TMEM248: variants seen among roughly 807,000 people sequenced by gnomAD.
TMEM248 encodes the protein transmembrane protein 248.
Under a neutral mutation model 30.3 loss-of-function variants are expected in TMEM248, and 9 were observed. The ratio of observed to expected loss-of-function variants is 0.30; its 90% confidence interval spans 0.18 to 0.52. The LOEUF is 0.52. Among genes scored for constraint, TMEM248 ranks in the 20% least tolerant of loss-of-function variants. The pLI is 0.97. For synonymous variants in TMEM248, 184 were observed against 154.4 expected, an observed-to-expected ratio of 1.19 and a Z score of -1.42; for missense variants, 338 against 403.3, an observed-to-expected ratio of 0.84 and a Z score of 1.39.
chr7:66,937,056 A>G (rs941748594), intron 1 of TMEM248, among the ~76,000 whole-genome samples: 15 of 152,154 alleles, frequency 9.9e-5, no homozygotes, highest in African/African-American at 3.6e-4. Flanking sequence ...GCTTATAGCT[A>G]TAAACTTTCC....
rs1584421869 is a variant in TMEM248 at position 66,957,563 on chromosome 7, A to G, written c.*2041A>G. On this transcript the variant is annotated 3_prime_UTR_variant, in exon 7 of 7. Transcript: ENST00000341567. Reference sequence around the variant, plus strand: ...CATGTGGCTTGGCTCTAGAAACGTCATTATCATTAGGACCATCAGATTTTA... The same window carrying G: ...CATGTGGCTTGGCTCTAGAAACGTCGTTATCATTAGGACCATCAGATTTTA... 1.3e-5 allele frequency: 2 copies of G among 152,342 alleles called. No homozygotes were observed. The highest frequency in any genetic ancestry group is 6.8e-3 in the Middle Eastern group (2 of 294). 9.4% of individuals were successfully genotyped at this position (152,342 alleles called of 1,614,324 possible). A position where few individuals can be genotyped will look rare whatever the true frequency, so the allele number is the denominator to read the frequency against.
intron 2 of TMEM248, among the ~76,000 whole-genome samples, chr7:66,942,300 T>C (rs1791986503): frequency 1.3e-5 from 2 of 152,238 alleles, no homozygotes; most frequent in Non-Finnish European, 2.9e-5. Flanking sequence ...TAAAATGATC[T>C]GTGTCAAAAA....
intron 1 of TMEM248, among the ~76,000 whole-genome samples, chr7:66,922,864 C>T (rs898945967): frequency 6.6e-6 from 1 of 152,032 alleles, no homozygotes; most frequent in Admixed American, 6.6e-5. Context: ...CGCCACCATG[C>T]CCAGCTAATT....
chr7:66,937,654 C>T (rs1371483028), intron 1 of TMEM248, among the ~76,000 whole-genome samples: 1 of 152,166 alleles, frequency 6.6e-6, no homozygotes, highest in East Asian at 1.9e-4. Flanking sequence ...TTAAATATAG[C>T]TACTTCTGCT....
chr7:66,939,113 A>G (rs1791882453), intron 1 of TMEM248, among the ~76,000 whole-genome samples: 1 of 152,218 alleles, frequency 6.6e-6, no homozygotes, highest in Admixed American at 6.5e-5. Context: ...CCATATTAAT[A>G]TGCCTTAGGA....
chr7:66,924,041 T>G (rs1791459300), intron 1 of TMEM248, among the ~76,000 whole-genome samples: 1 of 152,258 alleles, frequency 6.6e-6, no homozygotes, highest in African/African-American at 2.4e-5. Context: ...AAAACAATGC[T>G]TAACTTATTT....
intron 1 of TMEM248, among the ~76,000 whole-genome samples, chr7:66,933,115 C>T (rs1405553444): frequency 6.6e-6 from 1 of 152,208 alleles, no homozygotes; most frequent in Non-Finnish European, 1.5e-5. Context: ...CTGCTTCGAC[C>T]TCCCAAAGTG....
At position 66,945,079 on chromosome 7, in the gene TMEM248, C is replaced by G. The variant is rs1792059428; in HGVS notation, c.263C>G (p.Thr88Arg). 6.2e-7 allele frequency: 1 copy of G among 1,614,248 alleles called. No individual in the cohort carries two copies. The highest frequency in any genetic ancestry group is 2.2e-5 in the East Asian group (1 of 44,888). The change falls in exon 3 of 7, where the codon ACA becomes AGA. Residue 88 changes from threonine (T) to arginine (R), a missense_variant. By Grantham distance (71) the Thr-to-Arg change is moderately conservative. Coordinates refer to ENST00000341567, the MANE Select transcript of TMEM248 (RefSeq NM_017994.5). ...AACGACACCACAACTCCGGAAAGTA[C>G]AATGACCAGCGGGCAGGCCCGAGCT... ...LTNDTTTPES[T>R]MTSGQARAST...
rs767879825 is a variant in TMEM248, at chr7:66,941,915, G to A, written c.50G>A (p.Arg17Gln). The A allele has an allele frequency of 6.8e-6, 11 of 1,613,920 alleles. No individual in the cohort carries two copies. The highest frequency in any genetic ancestry group is 3.3e-5 in the Admixed American group (2 of 59,976). ...LENLKVYISS[R>Q]PPLVVFMISV... ...AACCTGAAGGTGTACATCAGCAGTC[G>A]GCCTCCCCTGGTGGTCTTCATGATC... is the stretch of plus-strand genomic sequence containing the variant. Residue 17 changes from arginine (R) to glutamine (Q), a missense_variant, in exon 2 of 7, where the codon CGG (arginine) becomes CAG (glutamine). Arg to Gln is a conservative substitution (Grantham distance 43). Coordinates refer to ENST00000341567, the MANE Select transcript of TMEM248 (RefSeq NM_017994.5).
intron 6 of TMEM248, among the ~76,000 whole-genome samples, chr7:66,954,556 C>T (rs1030825521): frequency 6.6e-6 from 1 of 151,870 alleles, no homozygotes; most frequent in African/African-American, 2.4e-5. Flanking sequence ...ATCACCACAC[C>T]TGGTTAATTT....
At chr7:66,925,272 T>C (rs921257044) in intron 1 of TMEM248, among the ~76,000 whole-genome samples, 4 of 152,136 alleles carry the variant, frequency 2.6e-5, no homozygotes, top group Non-Finnish European at 4.4e-5. Context: ...CCTCCCATCT[T>C]GGCCTCCCAA....
chr7:66,943,493 AGTG>A (rs1792017003), intron 2 of TMEM248, among the ~76,000 whole-genome samples: 1 of 152,200 alleles, frequency 6.6e-6, no homozygotes, highest in African/African-American at 2.4e-5. Context: ...TAGGAAAGGC[AGTG>A]GTGTATGGGA....
chr7:66,937,438 A>C (rs766783659), intron 1 of TMEM248, among the ~76,000 whole-genome samples: 2 of 152,236 alleles, frequency 1.3e-5, no homozygotes, highest in East Asian at 3.8e-4. Context: ...GATCTGTCCA[A>C]TGCTGAAAGC....
chr7:66,955,870 C>G lies in TMEM248; in HGVS notation c.*348C>G, dbSNP rs565899672. ...CACCAAGGTCACAGGAGCATTGCGTCGCTGATGGGGTTGAAGTTTGGTTTG... is the reference window on the plus strand; with the variant it reads ...CACCAAGGTCACAGGAGCATTGCGTGGCTGATGGGGTTGAAGTTTGGTTTG... On this transcript the variant is annotated 3_prime_UTR_variant, in exon 7 of 7. Coordinates refer to ENST00000341567, the MANE Select transcript of TMEM248 (RefSeq NM_017994.5). 158 of 266,356 alleles carry G rather than the reference C, an allele frequency of 5.9e-4. No homozygotes were observed. The Admixed American group carries it at 8.1e-3, about 14-fold the overall frequency. 16.5% of individuals were successfully genotyped at this position (266,356 alleles called of 1,614,324 possible).
At chr7:66,926,920 G>A (rs986992092) in intron 1 of TMEM248, among the ~76,000 whole-genome samples, 7 of 152,218 alleles carry the variant, frequency 4.6e-5, no homozygotes, top group African/African-American at 1.7e-4. Context: ...GGACTTTTGT[G>A]TTGTTTGGTT....
intron 1 of TMEM248, among the ~76,000 whole-genome samples, chr7:66,935,857 T>C (rs1791788727): frequency 1.3e-5 from 2 of 152,220 alleles, no homozygotes; most frequent in African/African-American, 4.8e-5. Context: ...TGATTTCTTT[T>C]TTAGATTGCT....
intron 1 of TMEM248, among the ~76,000 whole-genome samples, chr7:66,928,043 T>C (rs770284430): frequency 6.6e-6 from 1 of 152,124 alleles, no homozygotes; most frequent in Non-Finnish European, 1.5e-5. Flanking sequence ...GGTGAAACCC[T>C]GTCTCTACTA....
chr7:66,923,438 A>G (rs1791441384), intron 1 of TMEM248, among the ~76,000 whole-genome samples: 1 of 152,078 alleles, frequency 6.6e-6, no homozygotes, highest in South Asian at 2.1e-4. Context: ...CACCTTGCTC[A>G]GCCCGAAACT....
In TMEM248 at chr7:66,955,551, A is replaced by G; in HGVS notation, c.*29A>G. On this transcript the variant is annotated 3_prime_UTR_variant, in exon 7 of 7. Transcript: ENST00000341567. ...CACAGCTCCTTGTTTTTTGAGAGAGACTGAGAGAACCATAATCCTTGCCTG... is the reference window on the plus strand; with the variant it reads ...CACAGCTCCTTGTTTTTTGAGAGAGGCTGAGAGAACCATAATCCTTGCCTG... 6.2e-7 allele frequency: 1 copy of G among 1,613,696 alleles called. No homozygotes were observed. Among genetic ancestry groups the G allele is most frequent in the Non-Finnish European group, 8.5e-7 (1 of 1,179,892 alleles).
Sources: gnomAD v4.1 joint callset for allele counts (sites outside exome capture counted in the v4.1 genomes callset) on GRCh38, gnomAD v4.1.1 for gene constraint, MANE v1.5 for transcripts, NCBI Gene and HGNC (gene_info 2026-07-23, HGNC 2026-07-21) for gene names.